Variants in FAS observed in about 807,000 individuals in gnomAD.
FAS encodes Fas cell surface death receptor.
FAS carries 5 observed loss-of-function variants against 33.2 expected under a neutral mutation model. The ratio of observed to expected loss-of-function variants is 0.15; its 90% CI spans 0.08 to 0.32. FAS has a LOEUF of 0.32. Ranked by LOEUF, FAS falls within the 10% of genes least tolerant of loss-of-function variation. The probability of loss-of-function intolerance (pLI) is 1.00; values close to 1 mark genes in which losing one functional copy is unlikely to be tolerated. For missense variants in FAS, 339 were observed against 386.0 expected (o/e 0.88, Z 1.02); for synonymous variants, 131 against 130.7 (o/e 1.00, Z -0.01).
intron 5 of FAS, 36 bp downstream of exon 5, chr10:89,010,636 C>T (rs367928047): frequency 6.2e-7 from 1 of 1,608,720 alleles, no homozygotes; most frequent in Non-Finnish European, 8.5e-7. Context: ...CTCCTTTCCC[C>T]CAACCCCATG....
chr10:88,970,725 G>A (rs1161832149), intron 1 of FAS, among the ~76,000 whole-genome samples: 1 of 152,074 alleles, frequency 6.6e-6, no homozygotes, highest in Admixed American at 6.6e-5. Flanking sequence ...GTTGTGGGGT[G>A]GGGAGAGCGG....
rs2133472905 is a variant in FAS, at chr10:89,003,256, A to T, written c.196+62A>T. 2.5e-6 allele frequency: 4 copies of T among 1,580,196 alleles called. No individual in the cohort carries two copies. In the East Asian group the frequency reaches 9.0e-5, roughly 35 times the overall value. Reference sequence around the variant, plus strand: ...GTCACAGTTAGGAGTAGCACATAGTAATCATGACTATAATAATTTTACAGT... The same window carrying T: ...GTCACAGTTAGGAGTAGCACATAGTTATCATGACTATAATAATTTTACAGT... On this transcript the variant is annotated intron_variant, in intron 2 of 8. Transcript: ENST00000652046.
chr10:88,989,613 A>C (rs1847046764), upstream of FAS: 1 of 534,558 alleles, frequency 1.9e-6, no homozygotes, highest in Non-Finnish European at 3.7e-6. Context: ...ACACAGGGTG[A>C]TGGAAAGCCC....
chr10:88,980,095 T>C (rs948755463), intron 2 of FAS, among the ~76,000 whole-genome samples: 12 of 152,260 alleles, frequency 7.9e-5, no homozygotes, highest in Non-Finnish European at 1.0e-4. Context: ...TATTAATTTT[T>C]AAGTTTTGTT....
At chr10:88,983,894 A>G (rs1449070230), upstream of FAS, among the ~76,000 whole-genome samples, 1 of 152,214 alleles carries the variant, frequency 6.6e-6, no homozygotes, top group Non-Finnish European at 1.5e-5. Context: ...TCCTCAGTGC[A>G]AAGGCTGATA....
At chr10:88,988,799 A>T (rs1847000697), upstream of FAS, among the ~76,000 whole-genome samples, 1 of 152,224 alleles carries the variant, frequency 6.6e-6, no homozygotes, top group South Asian at 2.1e-4. Flanking sequence ...AACAGTATAT[A>T]TAATTACCCA....
intron 2 of FAS, among the ~76,000 whole-genome samples, chr10:88,976,904 G>A (rs977010872): frequency 2.6e-5 from 4 of 152,198 alleles, no homozygotes; most frequent in African/African-American, 9.6e-5. Context: ...GATGTTTGTA[G>A]AGAAGTTGCA....
chr10:88,988,386 CA>C (rs971804918), upstream of FAS, among the ~76,000 whole-genome samples: 1 of 142,484 alleles, frequency 7.0e-6, no homozygotes, highest in Admixed American at 7.1e-5. Flanking sequence ...GGGAAAAGAA[CA>C]AAAGTCTTAG....
chr10:89,003,646 A>G (rs1239699849), intron 2 of FAS, among the ~76,000 whole-genome samples: 1 of 152,160 alleles, frequency 6.6e-6, no homozygotes, highest in African/African-American at 2.4e-5. Flanking sequence ...TGCAAAATAT[A>G]TTTGCATTTT....
At chr10:88,965,691 T>G (rs1159077595) in intron 1 of FAS, among the ~76,000 whole-genome samples, 1 of 152,148 alleles carries the variant, frequency 6.6e-6, no homozygotes, top group Non-Finnish European at 1.5e-5. Flanking sequence ...GTGACCATCA[T>G]GCTTTCCCCT....
intron 4 of FAS, 36 bp from the exon 5 acceptor site, chr10:89,010,503 C>A: frequency 6.4e-7 from 1 of 1,567,346 alleles, no homozygotes; most frequent in South Asian, 1.1e-5. Flanking sequence ...ATTATTCTGC[C>A]AGGCTTTTGA....
intron 1 of FAS, among the ~76,000 whole-genome samples, chr10:88,966,463 A>G (rs1201223967): frequency 6.6e-6 from 1 of 152,166 alleles, no homozygotes; most frequent in East Asian, 1.9e-4. Context: ...CTATTATTTT[A>G]ATATCCTGTC....
At chr10:88,992,682 A>G (rs1332798638) in intron 1 of FAS, 3 of 152,234 alleles carry the variant, frequency 2.0e-5, no homozygotes, top group African/African-American at 7.2e-5. Flanking sequence ...ATAAATGCAG[A>G]TGAGTCAAAT....
At chr10:88,964,939 C>G (rs935804119) in intron 1 of FAS, among the ~76,000 whole-genome samples, 1 of 152,150 alleles carries the variant, frequency 6.6e-6, no homozygotes, top group Non-Finnish European at 1.5e-5. Flanking sequence ...GCTTTACAAA[C>G]ATTTTTAGTG....
At chr10:88,980,198 A>G (rs1846676020) in intron 2 of FAS, among the ~76,000 whole-genome samples, 1 of 151,858 alleles carries the variant, frequency 6.6e-6, no homozygotes, top group Non-Finnish European at 1.5e-5. Context: ...TGAGTGGAAC[A>G]TGAGCAGGAA....
At chr10:88,986,663 A>G (rs557982780), upstream of FAS, among the ~76,000 whole-genome samples, 1 of 150,376 alleles carries the variant, frequency 6.6e-6, no homozygotes, top group African/African-American at 2.5e-5. Context: ...AGGAAGTAAT[A>G]CAGGAAGGAA....
chr10:88,974,008 G>A, intron 2 of FAS: 1 of 152,318 alleles, frequency 6.6e-6, no homozygotes. Context: ...TACCCTGTTG[G>A]CCAGGGTGGT....
chr10:88,996,440 G>A (rs958812020), intron 1 of FAS, among the ~76,000 whole-genome samples: 6 of 151,770 alleles, frequency 4.0e-5, no homozygotes, highest in African/African-American at 1.5e-4. Flanking sequence ...GAGGCTAGTT[G>A]GGGGCAAAGT....
chr10:89,013,645 T>C (rs559857790), intron 8 of FAS, among the ~76,000 whole-genome samples: 1 of 152,336 alleles, frequency 6.6e-6, no homozygotes, highest in Admixed American at 6.5e-5. Flanking sequence ...ACAGAACTCC[T>C]GCCTAAAAAG....
Sources: allele counts gnomAD v4.1 joint callset (sites outside exome capture counted in the v4.1 genomes callset), GRCh38; gene constraint gnomAD v4.1.1; transcripts MANE v1.5; gene names NCBI Gene and HGNC (gene_info 2026-07-23, HGNC 2026-07-21).